Variants in SULT4A1 observed in about 807,000 individuals in gnomAD.
SULT4A1 encodes the protein sulfotransferase 4A1.
A neutral mutation model predicts 35.2 loss-of-function variants in SULT4A1; 11 were observed. That is an observed-to-expected ratio of 0.31 (90% CI 0.20 to 0.52). The LOEUF (loss-of-function observed/expected upper bound fraction) is 0.52. SULT4A1 is among the 20% of genes least tolerant of loss of function. The pLI, the probability that SULT4A1 is intolerant of heterozygous loss-of-function variation, is 0.97. For synonymous variants in SULT4A1, 152 were observed against 151.8 expected (o/e 1.00, Z -0.01); for missense variants, 271 against 383.7 (o/e 0.71, Z 2.45).
Position 43,862,247 on chromosome 22 carries a change from T to C in SULT4A1, c.136A>G (p.Ser46Gly), listed in dbSNP as rs781644083. The C allele has an allele frequency of 5.1e-6, 8 of 1,567,794 alleles. No homozygotes were observed. The highest frequency in any genetic ancestry group is 6.9e-6 in the Non-Finnish European group (8 of 1,156,430). The change falls in exon 1 of 7, where the codon AGC becomes GGC. Residue 46 changes from serine (S) to glycine (G), a missense_variant. Physicochemically the swap from Ser to Gly is moderately conservative, Grantham distance 56. This residue lies in a region of SULT4A1 where 164 missense variants were observed against 254.1 expected (regional missense o/e 0.65). Transcript: ENST00000330884. ...EEIANFPVRP[S>G]DVWIVTYPKS... is the part of the protein sequence containing the mutation. ...GGGTAGGTGACGATCCACACGTCGCTGGGCCGCACCGGGAAGTTGGCGATC... is the reference window on the plus strand; with the variant it reads ...GGGTAGGTGACGATCCACACGTCGCCGGGCCGCACCGGGAAGTTGGCGATC...
chr22:43,831,127 G>A (rs750375960), intron 5 of SULT4A1, among the ~76,000 whole-genome samples: 9 of 152,136 alleles, frequency 5.9e-5, no homozygotes, highest in Non-Finnish European at 1.2e-4. Flanking sequence ...TGACCCTGAC[G>A]GACTGAAAGC....
chr22:43,842,175 A>G (rs2063437026), intron 1 of SULT4A1, among the ~76,000 whole-genome samples: 1 of 152,178 alleles, frequency 6.6e-6, no homozygotes, highest in Non-Finnish European at 1.5e-5. Context: ...TGTTAGGAGA[A>G]CAGAACAGAA....
At chr22:43,831,390 A>G (rs868273853) in intron 5 of SULT4A1, among the ~76,000 whole-genome samples, 15 of 152,102 alleles carry the variant, frequency 9.9e-5, no homozygotes, top group Admixed American at 6.5e-4. Context: ...TGCATGTTCA[A>G]TGCTATGTCA....
chr22:43,828,497 G>C (rs576328189), intron 6 of SULT4A1, among the ~76,000 whole-genome samples: 1 of 152,338 alleles, frequency 6.6e-6, no homozygotes, highest in South Asian at 2.1e-4. Context: ...GGCTTAGCTT[G>C]GTACTGTCTG....
chr22:43,831,907 A>C (rs992259033), intron 5 of SULT4A1, among the ~76,000 whole-genome samples: 4 of 89,594 alleles, frequency 4.5e-5, no homozygotes, highest in African/African-American at 2.1e-4. Context: ...ACTGTGCATG[A>C]CACCACCACA....
chr22:43,856,797 G>T (rs529644464), intron 1 of SULT4A1, among the ~76,000 whole-genome samples: 2 of 152,208 alleles, frequency 1.3e-5, no homozygotes, highest in South Asian at 4.1e-4. Context: ...CCAACGAGGC[G>T]GGGTTAACTC....
chr22:43,835,691 A>G (rs2063365348), intron 4 of SULT4A1, among the ~76,000 whole-genome samples: 1 of 152,204 alleles, frequency 6.6e-6, no homozygotes, highest in African/African-American at 2.4e-5. Context: ...GAAGAGTCAA[A>G]TGGCCCTGTG....
In SULT4A1 at chr22:43,831,301, C is replaced by T. The variant is rs184393328; in HGVS notation, c.604-2103G>A. Among the ~76,000 whole-genome samples the T allele has an allele frequency of 4.4e-3, 666 of 152,368 alleles. 3 individuals are homozygous for T. The highest frequency in any genetic ancestry group is 6.7e-3 in the Non-Finnish European group (458 of 68,036). ...AAACTGCTGACCCGGCAGCTGCCCC[C>T]GAGATGTGTGGGCAGCTGGCCAGCT... is the stretch of plus-strand genomic sequence containing the variant. On this transcript the variant is annotated intron_variant, in intron 5 of 6. Transcript: ENST00000330884.
At chr22:43,841,498 C>T (rs2063428309) in intron 2 of SULT4A1, among the ~76,000 whole-genome samples, 1 of 152,172 alleles carries the variant, frequency 6.6e-6, no homozygotes, top group Admixed American at 6.5e-5. Flanking sequence ...AGAGGAGGGC[C>T]CCCAGGGGAA....
chr22:43,828,738 C>T (rs533119782), intron 6 of SULT4A1: 4 of 308,154 alleles, frequency 1.3e-5, no homozygotes, highest in African/African-American at 2.2e-5. Flanking sequence ...CTCTGTGGGG[C>T]GTTTGATTTC....
chr22:43,862,492 G>A lies in SULT4A1; in HGVS notation c.-110C>T, dbSNP rs1388127199. On this transcript the variant is annotated 5_prime_UTR_variant, in exon 1 of 7. Coordinates refer to ENST00000330884, the MANE Select transcript of SULT4A1 (RefSeq NM_014351.4). ...CACGCTCGCGCCCCACCGGCGCGCGGCGGCAGCTCCGCAGGCGTGACGTCA... is the reference window on the plus strand; with the variant it reads ...CACGCTCGCGCCCCACCGGCGCGCGACGGCAGCTCCGCAGGCGTGACGTCA... 15 of 944,786 alleles carry A rather than the reference G, an allele frequency of 1.6e-5. No individual in the cohort carries two copies. The highest frequency in any genetic ancestry group is 1.8e-5 in the Non-Finnish European group (14 of 796,548). The allele number at this position is 944,786 out of a possible 1,614,324, so 58.5% of individuals were successfully genotyped here.
At chr22:43,827,452 A>G (rs2148275011) in intron 6 of SULT4A1, 4 of 1,231,326 alleles carry the variant, frequency 3.2e-6, no homozygotes, top group Non-Finnish European at 4.2e-6. Flanking sequence ...CAACCAAACT[A>G]TTTTTCCATG....
chr22:43,856,772 C>T (rs541612297), intron 1 of SULT4A1, among the ~76,000 whole-genome samples: 40 of 152,174 alleles, frequency 2.6e-4, no homozygotes, highest in Non-Finnish European at 5.3e-4. Flanking sequence ...GATCAACACC[C>T]GAACCCAAAC....
intron 2 of SULT4A1, among the ~76,000 whole-genome samples, chr22:43,841,101 C>T (rs549660085): frequency 1.3e-5 from 2 of 152,232 alleles, no homozygotes; most frequent in Non-Finnish European, 2.9e-5. Flanking sequence ...CACGGCAGTA[C>T]GGAACGACTC....
chr22:43,857,370 C>CAAA (rs60746917), intron 1 of SULT4A1, among the ~76,000 whole-genome samples: 1 of 93,790 alleles, frequency 1.1e-5, no homozygotes, highest in Non-Finnish European at 2.1e-5. Flanking sequence ...GATCCTGTCT[C>CAAA]AAAAAAAAAA....
intron 1 of SULT4A1, among the ~76,000 whole-genome samples, chr22:43,859,407 C>T (rs1216586912): frequency 6.6e-6 from 1 of 152,244 alleles, no homozygotes; most frequent in Non-Finnish European, 1.5e-5. Context: ...AAAATAAACT[C>T]AGGGCAGTGG....
intron 1 of SULT4A1, among the ~76,000 whole-genome samples, chr22:43,843,791 A>G (rs1447628641): frequency 1.3e-5 from 2 of 152,252 alleles, no homozygotes; most frequent in African/African-American, 2.4e-5. Context: ...AACATCCTTT[A>G]TAATAAACCA....
At chr22:43,853,130 GCACTCA>G (rs531952125) in intron 1 of SULT4A1, among the ~76,000 whole-genome samples, 3 of 151,326 alleles carry the variant, frequency 2.0e-5, no homozygotes, top group Non-Finnish European at 3.0e-5. Flanking sequence ...CAGACCACGT[GCACTCA>G]CACTCACTCC....
In SULT4A1 at chr22:43,829,277, C is replaced by T. The variant is rs2063309279; in HGVS notation, c.604-79G>A. ...TGGACACGACCCCAGGCTGGGCACA[C>T]GCTGAGGACTTTTTACACACGGCCT... On this transcript the variant is annotated intron_variant, in intron 5 of 6. Coordinates refer to ENST00000330884, the MANE Select transcript of SULT4A1 (RefSeq NM_014351.4). 7.1e-6 allele frequency: 10 copies of T among 1,413,298 alleles called. No homozygotes were observed. The South Asian group carries it at 1.2e-4, about 18-fold the overall frequency. The allele number at this position is 1,413,298 out of a possible 1,614,324, so 87.5% of individuals were successfully genotyped here.
Sources: allele counts gnomAD v4.1 joint callset (sites outside exome capture counted in the v4.1 genomes callset), GRCh38; gene constraint gnomAD v4.1.1; regional missense constraint gnomAD v4.1.1; transcripts MANE v1.5; gene names NCBI Gene and HGNC (gene_info 2026-07-23, HGNC 2026-07-21).